Variants in SKIDA1 observed in about 807,000 individuals in gnomAD.
The protein encoded by SKIDA1 is SKI/DACH domain-containing protein 1.
A neutral mutation model predicts 51.4 loss-of-function variants in SKIDA1; 18 were observed. The observed-to-expected ratio is 0.35, with a 90% CI of 0.24 to 0.52. The LOEUF (loss-of-function observed/expected upper bound fraction) is 0.52, where lower values mean the gene tolerates loss of function less well. Among genes scored for constraint, SKIDA1 ranks in the 20% least tolerant of loss-of-function variants. The pLI, the probability that SKIDA1 is intolerant of heterozygous loss-of-function variation, is 0.95. For missense variants in SKIDA1, 1,104 were observed against 1,180.6 expected (o/e 0.94, Z 0.95); for synonymous variants, 579 against 500.5 (o/e 1.16, Z -2.09).
chr10:21,515,229 C>G lies in SKIDA1; in HGVS notation c.2594G>C (p.Trp865Ser), dbSNP rs2032161932. The part of the protein sequence containing the change: ...SLIIGRDGDL[W>S]PAYSLNTTKD... ...AGTGGTGTTTAAGGAATACGCCGGC[C>G]ACAAATCCCCATCTCTCCCAATAAT... Residue 865 changes from tryptophan (W) to serine (S), a missense_variant, in exon 4 of 4, where the codon TGG (tryptophan) becomes TCG (serine). Trp to Ser is a radical substitution (Grantham distance 177). Transcript: ENST00000449193. 1 of 1,613,836 alleles carries G rather than the reference C, an allele frequency of 6.2e-7. No homozygotes were observed. Among genetic ancestry groups the G allele is most frequent in the South Asian group, 1.1e-5 (1 of 91,078 alleles).
chr10:21,520,428 T>C lies in SKIDA1; in HGVS notation c.-1836-770A>G, dbSNP rs1364314655. Among the ~76,000 whole-genome samples, 3 of 152,176 alleles carry C rather than the reference T, an allele frequency of 2.0e-5. No individual in the cohort carries two copies. The East Asian group carries it at 5.8e-4, about 29-fold the overall frequency. ...AGCAACAATAATGTCGTTTTAAAAT[T>C]CCTTCTGATGCACTTATATAGTACT... On this transcript the variant is annotated intron_variant, in intron 3 of 3. Coordinates refer to ENST00000449193, the MANE Select transcript of SKIDA1 (RefSeq NM_207371.4).
chr10:21,525,062 C>T (rs1222014372), intron 1 of SKIDA1, among the ~76,000 whole-genome samples: 1 of 152,178 alleles, frequency 6.6e-6, no homozygotes, highest in Admixed American at 6.5e-5. Context: ...GCTCAATGCA[C>T]GGAGGCAAAG....
At chr10:21,522,367 A>G (rs1010568010) in intron 2 of SKIDA1, among the ~76,000 whole-genome samples, 1 of 149,926 alleles carries the variant, frequency 6.7e-6, no homozygotes, top group Non-Finnish European at 1.5e-5. Flanking sequence ...TTCAGACAGA[A>G]AAGAGTAAGG....
intron 3 of SKIDA1, among the ~76,000 whole-genome samples, chr10:21,521,093 C>T (rs2032383227): frequency 6.9e-6 from 1 of 145,084 alleles, no homozygotes; most frequent in Non-Finnish European, 1.5e-5. Flanking sequence ...CACACAAACA[C>T]AGAATGTGAC....
chr10:21,521,089 A>AC (rs71667086), intron 3 of SKIDA1, among the ~76,000 whole-genome samples: 17 of 48,568 alleles, frequency 3.5e-4, no homozygotes, highest in African/African-American at 9.6e-4. Context: ...CACACACACA[A>AC]ACACAGAATG....
chr10:21,524,446 G>A (rs572900543), intron 1 of SKIDA1, among the ~76,000 whole-genome samples: 2 of 152,096 alleles, frequency 1.3e-5, no homozygotes, highest in East Asian at 3.9e-4. Flanking sequence ...AAAACACAAT[G>A]GTAAAAAATT....
rs1564334504 is a variant in SKIDA1 at position 21,516,863 on chromosome 10, GGCCCCCGCGGCGGCCGCC to G, written c.942_959del (p.Ala315_Ala320del). The G allele has an allele frequency of 2.3e-6, 3 of 1,318,906 alleles. No homozygotes were observed. The highest frequency in any genetic ancestry group is 2.6e-5 in the South Asian group (1 of 38,954). 81.7% of individuals were successfully genotyped at this position (1,318,906 alleles called of 1,614,324 possible). A position where few individuals can be genotyped will look rare whatever the true frequency, so the allele number is the denominator to read the frequency against. ...CCAGATGAAACCTCTCCAGGCAAGTGGCCCCCGCGGCGGCCGCCGCCGCCGCTGCCGCCGCCGCCGCCG... is the reference window on the plus strand; with the variant it reads ...CCAGATGAAACCTCTCCAGGCAAGTGGCCGCCGCTGCCGCCGCCGCCGCCG... On this transcript the variant is annotated inframe_deletion, in exon 4 of 4. Coordinates refer to ENST00000449193, the MANE Select transcript of SKIDA1 (RefSeq NM_207371.4). This position sits in a 1 kb window ranked among gnomAD's most constrained non-coding sequence, Gnocchi z 5.7.
In SKIDA1 at chr10:21,523,888, G is replaced by C. The variant is rs1247669045; in HGVS notation, c.-2117-17C>G. The C allele has an allele frequency of 8.7e-6, 1 of 115,268 alleles. No individual in the cohort carries two copies. The highest frequency in any genetic ancestry group is 1.8e-5 in the Non-Finnish European group (1 of 54,996). The allele number at this position is 115,268 out of a possible 1,614,324, so 7.1% of individuals were successfully genotyped here. ...ACTGGGAACCTACAAAAAAGCGGGA[G>C]ATAAAAAAAAAAAAAAAAAAATCAC... On this transcript the variant is annotated splice_polypyrimidine_tract_variant and intron_variant, in intron 1 of 3. Coordinates refer to ENST00000449193, the MANE Select transcript of SKIDA1 (RefSeq NM_207371.4).
chr10:21,517,297 AT>A lies in SKIDA1; in HGVS notation c.525del (p.Lys175AsnfsTer19). Reference sequence around the variant, plus strand: ...ATCTCCGGGTAGTGCGAGCCGGGGTATTTGCTAAAAATCTGAGGTAGATGGG... The same window carrying A: ...ATCTCCGGGTAGTGCGAGCCGGGGTATTGCTAAAAATCTGAGGTAGATGGG... ...PAAHLPQIFSKYPGSHYPEIV... is the reference protein window; with the variant it reads ...PAAHLPQIFSXYPGSHYPEIV... On this transcript the variant is annotated frameshift_variant, in exon 4 of 4. Coordinates refer to ENST00000449193, the MANE Select transcript of SKIDA1 (RefSeq NM_207371.4). LOFTEE classifies it high-confidence loss of function. This position sits in a 1 kb window ranked among gnomAD's most constrained non-coding sequence, Gnocchi z 6.9. 6.8e-7 allele frequency: 1 copy of A among 1,465,262 alleles called. No individual in the cohort carries two copies. The highest frequency in any genetic ancestry group is 1.3e-5 in the South Asian group (1 of 75,070). The allele number at this position is 1,465,262 out of a possible 1,614,324, so 90.8% of individuals were successfully genotyped here. A position where few individuals can be genotyped will look rare whatever the true frequency, so the allele number is the denominator to read the frequency against.
chr10:21,519,304 G>GTAAA lies in SKIDA1; in HGVS notation c.-1486_-1483dup, dbSNP rs1342803093. ...GTGATGCTTTTGGTTGGTAGTTTAG[G>GTAAA]TAAATCTTCCACAACTCCCAGTTTT... is the stretch of plus-strand genomic sequence containing the variant. On this transcript the variant is annotated 5_prime_UTR_variant, in exon 4 of 4. The change abolishes the stop of an existing upstream ORF in the 5' untranslated region. Coordinates refer to ENST00000449193, the MANE Select transcript of SKIDA1 (RefSeq NM_207371.4). 6.0e-6 allele frequency: 1 copy of GTAAA among 167,090 alleles called. No homozygotes were observed. The highest frequency in any genetic ancestry group is 1.5e-5 in the Non-Finnish European group (1 of 68,122). The allele number at this position is 167,090 out of a possible 1,614,324, so 10.4% of individuals were successfully genotyped here.
intron 3 of SKIDA1, among the ~76,000 whole-genome samples, chr10:21,520,646 CCTCT>C (rs139656579): frequency 0.031 from 4,464 of 142,486 alleles, 209 homozygotes; most frequent in African/African-American, 0.11. Flanking sequence ...GTTTATATTT[CCTCT>C]CTCTCTCTCT....
chr10:21,522,153 T>G (rs1386538427), intron 2 of SKIDA1, among the ~76,000 whole-genome samples: 1 of 151,826 alleles, frequency 6.6e-6, no homozygotes, highest in African/African-American at 2.4e-5. Context: ...AGAGTACTTT[T>G]GCATTTCTAC....
In SKIDA1 at chr10:21,516,089, G is replaced by A. The variant is rs1195838138; in HGVS notation, c.1734C>T (p.Ala578=). Residue 578 remains alanine (A), a synonymous_variant, in exon 4 of 4, where the codon GCC becomes GCT. Coordinates refer to ENST00000449193, the MANE Select transcript of SKIDA1 (RefSeq NM_207371.4). This position sits in a 1 kb window ranked among gnomAD's most constrained non-coding sequence, Gnocchi z 5.7. ...TGTTTGTCTTTGGGCTAGGTGAAGAGGCCCCCTCTGCCAGGCAGTTAATTG... is the reference window on the plus strand; with the variant it reads ...TGTTTGTCTTTGGGCTAGGTGAAGAAGCCCCCTCTGCCAGGCAGTTAATTG... ...DLTINCLAEG[A]SSPSPKTNNA... 1.9e-6 allele frequency: 3 copies of A among 1,613,908 alleles called. No homozygotes were observed. The highest frequency in any genetic ancestry group is 2.7e-5 in the African/African-American group (2 of 74,932).
Position 21,516,661 on chromosome 10 carries a change from A to G in SKIDA1, c.1162T>C (p.Tyr388His). ...SCSSDSESSS[Y>H]SDHAANDSDF... is the part of the protein sequence containing the mutation. Reference sequence around the variant, plus strand: ...GAGTCGTTGGCCGCGTGGTCCGAGTAGGAGCTGGACTCGGAGTCGCTGCTG... The same window carrying G: ...GAGTCGTTGGCCGCGTGGTCCGAGTGGGAGCTGGACTCGGAGTCGCTGCTG... The change falls in exon 4 of 4, where the codon TAC (tyrosine) becomes CAC (histidine). Residue 388 changes from tyrosine (Y) to histidine (H), a missense_variant. Tyr to His is a moderately conservative substitution (Grantham distance 83). Coordinates refer to ENST00000449193, the MANE Select transcript of SKIDA1 (RefSeq NM_207371.4). This position sits in a 1 kb window ranked among gnomAD's most constrained non-coding sequence, Gnocchi z 5.7. The G allele has an allele frequency of 1.3e-6, 2 of 1,551,658 alleles. No homozygotes were observed. The highest frequency in any genetic ancestry group is 1.7e-6 in the Non-Finnish European group (2 of 1,146,998).
In SKIDA1 at chr10:21,514,232, A is replaced by AAAAAG. The variant is rs2032123292; in HGVS notation, c.*859_*863dup. ...TCTCTCCAAAAAAAAAAAAAAAAAAAAAAAGAAATATTTCAATTGTTTTGG... is the reference window on the plus strand; with the variant it reads ...TCTCTCCAAAAAAAAAAAAAAAAAAAAAAAGAAAAGAAATATTTCAATTGTTTTGG... On this transcript the variant is annotated 3_prime_UTR_variant, in exon 4 of 4. Transcript: ENST00000449193. The AAAAAG allele has an allele frequency of 6.6e-6, 1 of 151,126 alleles. No homozygotes were observed. Among genetic ancestry groups the AAAAAG allele is most frequent in the African/African-American group, 2.4e-5 (1 of 41,204 alleles). 9.4% of individuals were successfully genotyped at this position (151,126 alleles called of 1,614,324 possible). A position where few individuals can be genotyped will look rare whatever the true frequency, so the allele number is the denominator to read the frequency against.
rs1157610127 is a variant in SKIDA1, at chr10:21,513,675, C to T, written c.*1421G>A. On this transcript the variant is annotated 3_prime_UTR_variant, in exon 4 of 4. Transcript: ENST00000449193. The stretch of plus-strand genomic sequence containing the variant: ...AATATAGATAGTCACCTCTGATTGT[C>T]ACTTGCAGTAGAAACTCTCCTGCTC... 1.3e-5 allele frequency: 2 copies of T among 152,608 alleles called. No homozygotes were observed. Among genetic ancestry groups the T allele is most frequent in the Non-Finnish European group, 2.9e-5 (2 of 68,048 alleles). The allele number at this position is 152,608 out of a possible 1,614,324, so 9.5% of individuals were successfully genotyped here. A position where few individuals can be genotyped will look rare whatever the true frequency, so the allele number is the denominator to read the frequency against.
In SKIDA1 at chr10:21,515,550, G is replaced by A. The variant is rs770999918; in HGVS notation, c.2273C>T (p.Ser758Leu). 6.2e-6 allele frequency: 10 copies of A among 1,613,904 alleles called. No homozygotes were observed. The African/African-American group carries it at 1.2e-4, about 19-fold the overall frequency. ...AGGTTTTGGAGAACCTAAAGTGCAT[G>A]AAAGGCCCTGACTTTGAGCCAGTGG... Reference protein sequence around the residue: ...LNPLAQSQGLSCTLGSPKPED... With the variant: ...LNPLAQSQGLLCTLGSPKPED... The change falls in exon 4 of 4, where the codon TCA (serine) becomes TTA (leucine). Residue 758 changes from serine to leucine, a missense_variant. This residue lies in a region of SKIDA1 where 938 missense variants were observed against 886.4 expected (regional missense o/e 1.06). Coordinates refer to ENST00000449193, the MANE Select transcript of SKIDA1 (RefSeq NM_207371.4).
In SKIDA1 at chr10:21,516,271, C is replaced by T. The variant is rs963908469; in HGVS notation, c.1552G>A (p.Ala518Thr). The T allele has an allele frequency of 6.2e-7, 1 of 1,613,960 alleles. No homozygotes were observed. Among genetic ancestry groups the T allele is most frequent in the Non-Finnish European group, 8.5e-7 (1 of 1,179,900 alleles). Reference sequence around the variant, plus strand: ...GCCCAGCTCTGCAGATTCCACTCCGCCGGCGACTCCGCTTTGACACTACTC... The same window carrying T: ...GCCCAGCTCTGCAGATTCCACTCCGTCGGCGACTCCGCTTTGACACTACTC... ...LKSSVKAESP[A>T]EWNLQSWAPK... is the part of the protein sequence containing the mutation. The change falls in exon 4 of 4, where the codon GCG (alanine) becomes ACG (threonine). Residue 518 changes from alanine to threonine, a missense_variant. Around this residue, in one of 3 missense-constraint regions of SKIDA1, gnomAD observed 938 missense variants for 886.4 expected, o/e 1.06. Coordinates refer to ENST00000449193, the MANE Select transcript of SKIDA1 (RefSeq NM_207371.4). The surrounding 1 kb of genome is among the most constrained non-coding windows in gnomAD (Gnocchi z 5.7).
Position 21,516,197 on chromosome 10 carries a change from G to A in SKIDA1, c.1626C>T (p.Phe542=). Residue 542 remains phenylalanine (F), a synonymous_variant, in exon 4 of 4, where the codon TTC becomes TTT. Coordinates refer to ENST00000449193, the MANE Select transcript of SKIDA1 (RefSeq NM_207371.4). The surrounding 1 kb of genome is among the most constrained non-coding windows in gnomAD (Gnocchi z 5.7). ...ATACCCTATCGTTCCTTATCTCAGC[G>A]AAACAACTCCCCAGGCTGGCCGGGC... The part of the protein sequence containing the change: ...VYCPASLGSC[F]AEIRNDRVSE... 1.2e-6 allele frequency: 2 copies of A among 1,614,014 alleles called. No individual in the cohort carries two copies. Among genetic ancestry groups the A allele is most frequent in the Non-Finnish European group, 1.7e-6 (2 of 1,179,894 alleles).
Sources: allele counts gnomAD v4.1 joint callset (sites outside exome capture counted in the v4.1 genomes callset), GRCh38; gene constraint gnomAD v4.1.1; regional missense constraint gnomAD v4.1.1; non-coding constraint Gnocchi (gnomAD v3.1); transcripts MANE v1.5; gene names NCBI Gene and HGNC (gene_info 2026-07-23, HGNC 2026-07-21).